Variants in RAB3GAP2 observed in about 807,000 individuals in gnomAD.
RAB3GAP2 encodes the protein rab3 GTPase-activating protein non-catalytic subunit.
Under a neutral mutation model 185.3 loss-of-function variants are expected in RAB3GAP2, and 87 were observed. That is an observed-to-expected ratio of 0.47 (90% CI 0.39 to 0.56). The LOEUF (loss-of-function observed/expected upper bound fraction) is 0.56. Among genes scored for constraint, RAB3GAP2 ranks in the 20% least tolerant of loss-of-function variants. RAB3GAP2 has a pLI of 0.00. For synonymous variants in RAB3GAP2, 554 were observed against 576.1 expected, an observed-to-expected ratio of 0.96 and a Z score of 0.55; for missense variants, 1,492 against 1,638.2, an observed-to-expected ratio of 0.91 and a Z score of 1.54.
At chr1:220,251,645 G>C (rs558791777) in intron 1 of RAB3GAP2, among the ~76,000 whole-genome samples, 1 of 152,206 alleles carries the variant, frequency 6.6e-6, no homozygotes, top group South Asian at 2.1e-4. Context: ...ATAAGTGTAT[G>C]TGTAGATAGG....
intron 20 of RAB3GAP2, 77 bp downstream of exon 20, chr1:220,182,641 C>T (rs1658433412): frequency 1.5e-6 from 2 of 1,290,784 alleles, no homozygotes; most frequent in Admixed American, 4.8e-5. Context: ...AATGGAATCT[C>T]TGAGATGCTA....
chr1:220,218,105 C>G (rs1413805487), intron 2 of RAB3GAP2, among the ~76,000 whole-genome samples: 1 of 152,164 alleles, frequency 6.6e-6, no homozygotes, highest in East Asian at 1.9e-4. Context: ...TATACATGTA[C>G]ATTTTTATTT....
intron 7 of RAB3GAP2, among the ~76,000 whole-genome samples, chr1:220,209,957 C>A (rs1213988782): frequency 6.6e-6 from 1 of 152,154 alleles, no homozygotes; most frequent in African/African-American, 2.4e-5. Context: ...TGAACAAAAG[C>A]TTAGTAACCC....
intron 24 of RAB3GAP2, among the ~76,000 whole-genome samples, chr1:220,168,095 T>C (rs922195072): frequency 3.9e-5 from 6 of 152,164 alleles, no homozygotes; most frequent in African/African-American, 1.4e-4. Flanking sequence ...TATTACTTTT[T>C]TGTTTGTTTG....
intron 19 of RAB3GAP2, among the ~76,000 whole-genome samples, chr1:220,183,544 T>G (rs1206680165): frequency 6.6e-6 from 1 of 152,176 alleles, no homozygotes; most frequent in African/African-American, 2.4e-5. Flanking sequence ...CAAGCCACTA[T>G]GCCTTGGCAA....
Position 220,167,319 on chromosome 1 carries a change from C to A in RAB3GAP2, c.3061G>T (p.Val1021Phe), listed in dbSNP as rs559000009. 1 of 1,613,982 alleles carries A rather than the reference C, an allele frequency of 6.2e-7. No individual in the cohort carries two copies. Among genetic ancestry groups the A allele is most frequent in the African/African-American group, 1.3e-5 (1 of 74,912 alleles). Residue 1021 changes from valine (V) to phenylalanine (F), a missense_variant, in exon 26 of 35, where the codon GTT becomes TTT. This residue lies in a region of RAB3GAP2 where 387 missense variants were observed against 455.3 expected (regional missense o/e 0.85). Coordinates refer to ENST00000358951, the MANE Select transcript of RAB3GAP2 (RefSeq NM_012414.4). The part of the protein sequence containing the change: ...VLHAHCCWEY[V>F]VQWNKDPEEA... ...TCTGGATCTTTATTCCACTGAACAACGTACTCCCAGCAGCAATGTGCATGC... is the reference window on the plus strand; with the variant it reads ...TCTGGATCTTTATTCCACTGAACAAAGTACTCCCAGCAGCAATGTGCATGC...
chr1:220,259,491 T>TATTTAATAA (rs1468978952), intron 1 of RAB3GAP2, among the ~76,000 whole-genome samples: 2 of 152,148 alleles, frequency 1.3e-5, no homozygotes, highest in Non-Finnish European at 1.5e-5. Flanking sequence ...AAGGACTCCT[T>TATTTAATAA]ATTTAATAAA....
intron 27 of RAB3GAP2, among the ~76,000 whole-genome samples, chr1:220,164,445 GTTTTT>G (rs71169436): frequency 3.0e-4 from 36 of 118,960 alleles, no homozygotes; most frequent in Middle Eastern, 4.6e-3. Flanking sequence ...GGCCAGTACT[GTTTTT>G]TTTTTGTTTT....
chr1:220,266,718 TAGTTG>T, intron 1 of RAB3GAP2: 1 of 1,577,228 alleles, frequency 6.3e-7, no homozygotes, highest in Non-Finnish European at 8.7e-7. Flanking sequence ...GAATACTTGC[TAGTTG>T]ATTCTTTGTT....
intron 28 of RAB3GAP2, 79 bp from the exon 29 acceptor site, chr1:220,159,500 T>G: frequency 9.1e-7 from 1 of 1,093,138 alleles, no homozygotes; most frequent in East Asian, 2.6e-5. Context: ...TAATAAAAAG[T>G]AACCGAATTT....
chr1:220,200,025 G>A (rs1323341064), intron 9 of RAB3GAP2, among the ~76,000 whole-genome samples: 2 of 152,032 alleles, frequency 1.3e-5, no homozygotes, highest in East Asian at 1.9e-4. Context: ...GAATAAAATC[G>A]GATCTCCTTA....
chr1:220,222,802 C>T (rs774417826), intron 2 of RAB3GAP2, among the ~76,000 whole-genome samples: 97 of 152,140 alleles, frequency 6.4e-4, no homozygotes, highest in Non-Finnish European at 1.1e-3. Flanking sequence ...CCCCAAAAAC[C>T]CCTTTATTTG....
In RAB3GAP2 at chr1:220,210,449, G is replaced by A. The variant is rs1357606766; in HGVS notation, c.551C>T (p.Pro184Leu). 6.2e-7 allele frequency: 1 copy of A among 1,614,050 alleles called. No homozygotes were observed. The part of the protein sequence containing the change: ...LLLAQLLNED[P>L]VLQLKCRTYE... ...GGTTCTGCATTTAAGTTGAAGTACT[G>A]GGTCCTCATTCAAAAGCTGTGCAAG... The change falls in exon 7 of 35, where the codon CCA becomes CTA. Residue 184 changes from proline (P) to leucine (L), a missense_variant. Physicochemically the swap from Pro to Leu is moderately conservative, Grantham distance 98. Transcript: ENST00000358951.
Position 220,158,430 on chromosome 1 carries a change from C to G in RAB3GAP2, c.3262-554G>C, listed in dbSNP as rs547573635. ...AAAGGGCTTGTCCAAGGGACCACTG[C>G]ATTTGTGTATAATCTTTTTTTTTTT... On this transcript the variant is annotated intron_variant, in intron 29 of 34. Coordinates refer to ENST00000358951, the MANE Select transcript of RAB3GAP2 (RefSeq NM_012414.4). The surrounding 1 kb of genome is among the most constrained non-coding windows in gnomAD (Gnocchi z 4.3). 6.6e-6 allele frequency among the ~76,000 whole-genome samples: 1 copy of G among 151,914 alleles called. No individual in the cohort carries two copies. Among genetic ancestry groups the G allele is most frequent in the East Asian group, 1.9e-4 (1 of 5,178 alleles).
chr1:220,267,860 A>G, intron 1 of RAB3GAP2: 1 of 1,009,816 alleles, frequency 9.9e-7, no homozygotes, highest in South Asian at 1.3e-5. Flanking sequence ...CTGGACCTCC[A>G]ACTGGAGTTT....
intron 2 of RAB3GAP2, among the ~76,000 whole-genome samples, chr1:220,232,563 A>T (rs1024125124): frequency 6.6e-6 from 1 of 152,182 alleles, no homozygotes; most frequent in Non-Finnish European, 1.5e-5. Flanking sequence ...TTCATTATGA[A>T]CTACCCAGTC....
chr1:220,264,462 A>T (rs1419473736), intron 1 of RAB3GAP2, among the ~76,000 whole-genome samples: 1 of 152,074 alleles, frequency 6.6e-6, no homozygotes, highest in Non-Finnish European at 1.5e-5. Context: ...ATAAAGTGGG[A>T]GAAGGCAGGG....
intron 1 of RAB3GAP2, among the ~76,000 whole-genome samples, chr1:220,270,197 T>G (rs1040208517): frequency 1.3e-5 from 2 of 152,210 alleles, no homozygotes; most frequent in African/African-American, 4.8e-5. Context: ...CCGAGGGCCT[T>G]ACTCTCACAT....
chr1:220,217,027 C>T (rs911958341), intron 2 of RAB3GAP2, among the ~76,000 whole-genome samples: 3 of 152,014 alleles, frequency 2.0e-5, no homozygotes, highest in Admixed American at 1.3e-4. Flanking sequence ...TAGAGGCCAA[C>T]TGGTCCAAAT....
Sources: gnomAD v4.1 joint callset for allele counts (sites outside exome capture counted in the v4.1 genomes callset) on GRCh38, gnomAD v4.1.1 for gene constraint, gnomAD v4.1.1 regional missense constraint, Gnocchi (gnomAD v3.1) non-coding constraint, MANE v1.5 for transcripts, NCBI Gene and HGNC (gene_info 2026-07-23, HGNC 2026-07-21) for gene names.